The following MANBA variants were observed in gnomAD, a reference collection of about 807,000 sequenced individuals.
The protein encoded by MANBA is beta-mannosidase.
A neutral mutation model predicts 111.1 loss-of-function variants in MANBA; 83 were observed. The ratio of observed to expected loss-of-function variants is 0.75; its 90% CI spans 0.63 to 0.90. The LOEUF (loss-of-function observed/expected upper bound fraction) is 0.90, where lower values mean the gene tolerates loss of function less well. MANBA is among the 40% of genes least tolerant of loss of function. The pLI is 0.00. For synonymous variants in MANBA, 370 were observed against 378.7 expected (o/e 0.98, Z 0.27); for missense variants, 1,036 against 1,069.0 (o/e 0.97, Z 0.43).
intron 16 of MANBA, among the ~76,000 whole-genome samples, chr4:102,634,310 C>T (rs569866021): frequency 6.8e-4 from 103 of 152,328 alleles, no homozygotes; most frequent in African/African-American, 2.3e-3. Context: ...ATAGACTCTA[C>T]TTAAAATTAG....
At chr4:102,730,303 G>A (rs1722985105) in intron 1 of MANBA, 1 of 548,634 alleles carries the variant, frequency 1.8e-6, no homozygotes, top group Admixed American at 3.2e-5. Context: ...TTACAAGAGG[G>A]TATAACTTAG....
intron 4 of MANBA, among the ~76,000 whole-genome samples, chr4:102,719,312 C>G (rs962564968): frequency 3.9e-5 from 6 of 152,210 alleles, no homozygotes; most frequent in African/African-American, 1.2e-4. Flanking sequence ...AAATATGGCT[C>G]TATTCTGCCT....
intron 1 of MANBA, among the ~76,000 whole-genome samples, chr4:102,732,412 C>T (rs541650811): frequency 1.3e-5 from 2 of 152,322 alleles, no homozygotes; most frequent in African/African-American, 4.8e-5. Context: ...GAAGGAAAAG[C>T]CAACTCTGTC....
chr4:102,640,811 C>G (rs1729847565), intron 13 of MANBA, among the ~76,000 whole-genome samples: 1 of 152,186 alleles, frequency 6.6e-6, no homozygotes, highest in African/African-American at 2.4e-5. Flanking sequence ...TAGAGGAAGG[C>G]TGACCAGTAA....
intron 5 of MANBA, 122 bp downstream of exon 5, chr4:102,714,316 G>T: frequency 1.0e-6 from 1 of 976,116 alleles, no homozygotes; most frequent in Non-Finnish European, 1.6e-6. Flanking sequence ...TAAATTGATT[G>T]TACCACAAAG....
At chr4:102,707,604 T>C (rs150678174) in intron 5 of MANBA, among the ~76,000 whole-genome samples, 3 of 152,062 alleles carry the variant, frequency 2.0e-5, no homozygotes, top group Non-Finnish European at 2.9e-5. Flanking sequence ...AAAAAAGGTA[T>C]ACAAAACAAC....
chr4:102,688,334 C>T (rs553503160), intron 7 of MANBA, among the ~76,000 whole-genome samples: 2 of 151,446 alleles, frequency 1.3e-5, no homozygotes, highest in South Asian at 4.2e-4. Context: ...CATACACTCT[C>T]TTCCCCTCTC....
intron 1 of MANBA, among the ~76,000 whole-genome samples, chr4:102,736,683 G>A (rs1018601640): frequency 1.3e-5 from 2 of 152,136 alleles, no homozygotes; most frequent in Non-Finnish European, 2.9e-5. Flanking sequence ...TAATTATCTG[G>A]CAAACTGAGA....
chr4:102,641,703 C>G (rs1375420244), intron 13 of MANBA, among the ~76,000 whole-genome samples: 1 of 152,132 alleles, frequency 6.6e-6, no homozygotes, highest in Non-Finnish European at 1.5e-5. Context: ...CAATTTTCAG[C>G]ATTATCTGCA....
chr4:102,640,753 G>T (rs1373864895), intron 13 of MANBA, among the ~76,000 whole-genome samples: 1 of 152,112 alleles, frequency 6.6e-6, no homozygotes. Context: ...AAGTCGAGAC[G>T]CTTTCCCATA....
At chr4:102,728,986 C>T (rs1170507050) in intron 1 of MANBA, 1 of 927,308 alleles carries the variant, frequency 1.1e-6, no homozygotes. Context: ...TCTCCTCGCC[C>T]TCCAGCAGCT....
chr4:102,638,782 A>C (rs1189876740), intron 14 of MANBA, among the ~76,000 whole-genome samples: 5 of 152,160 alleles, frequency 3.3e-5, no homozygotes, highest in Admixed American at 6.5e-5. Context: ...TAGAAATCCA[A>C]TTCTCTGTAA....
intron 5 of MANBA, among the ~76,000 whole-genome samples, chr4:102,702,723 C>T (rs1210833727): frequency 2.0e-5 from 3 of 152,214 alleles, no homozygotes; most frequent in East Asian, 3.9e-4. Context: ...AAGAATTTCA[C>T]GTTAATTTTT....
intron 4 of MANBA, among the ~76,000 whole-genome samples, chr4:102,715,567 T>C (rs576756973): frequency 6.6e-6 from 1 of 152,342 alleles, no homozygotes; most frequent in African/African-American, 2.4e-5. Context: ...TCATGGGGGT[T>C]TGTCATAGAG....
chr4:102,646,638 A>T (rs1437836518), intron 13 of MANBA, among the ~76,000 whole-genome samples: 1 of 152,170 alleles, frequency 6.6e-6, no homozygotes, highest in African/African-American at 2.4e-5. Flanking sequence ...GTGCTGGTAG[A>T]GTAAGACACT....
chr4:102,751,923 G>C (rs1182720127), intron 1 of MANBA: 11 of 646,854 alleles, frequency 1.7e-5, no homozygotes, highest in Non-Finnish European at 3.0e-5. Context: ...GTGGAATAGA[G>C]AGAAACAAAG....
At chr4:102,758,948 G>C (rs940266828) in intron 1 of MANBA, among the ~76,000 whole-genome samples, 4 of 152,124 alleles carry the variant, frequency 2.6e-5, no homozygotes, top group Non-Finnish European at 4.4e-5. Flanking sequence ...AAGAATTTAT[G>C]AAGAGAGTTA....
At chr4:102,743,760 T>A (rs1006731277) in intron 1 of MANBA, among the ~76,000 whole-genome samples, 1 of 152,104 alleles carries the variant, frequency 6.6e-6, no homozygotes, top group Non-Finnish European at 1.5e-5. Flanking sequence ...GCAGTTCAGG[T>A]CACACAGTGA....
At chr4:102,635,075 G>A (rs1298578399) in intron 15 of MANBA, 30 bp from the exon 16 acceptor site, 3 of 1,612,040 alleles carry the variant, frequency 1.9e-6, no homozygotes, top group Non-Finnish European at 2.5e-6. Context: ...AATAAAAACA[G>A]GCATTCTTGG....
Sources: gnomAD v4.1 joint callset for allele counts (sites outside exome capture counted in the v4.1 genomes callset) on GRCh38, gnomAD v4.1.1 for gene constraint, MANE v1.5 for transcripts, NCBI Gene and HGNC (gene_info 2026-07-23, HGNC 2026-07-21) for gene names.